The following COP1 variants were observed in gnomAD, a reference collection of about 807,000 sequenced individuals.
COP1 encodes the protein E3 ubiquitin-protein ligase COP1.
COP1 carries 24 observed loss-of-function variants against 101.3 expected under a neutral mutation model. The observed-to-expected ratio is 0.24, with a 90% CI of 0.17 to 0.33. The LOEUF (loss-of-function observed/expected upper bound fraction) is 0.33. Ranked by LOEUF, COP1 falls within the 10% of genes least tolerant of loss-of-function variation. The pLI is 1.00. For synonymous variants in COP1, 347 were observed against 341.9 expected (o/e 1.01, Z -0.17); for missense variants, 663 against 906.2 (o/e 0.73, Z 3.45).
chr1:176,016,740 A>T (rs7525112), intron 15 of COP1, among the ~76,000 whole-genome samples: 133,995 of 151,514 alleles, frequency 0.88, 60,952 homozygotes, highest in East Asian at 0.99. Flanking sequence ...CTCTTTTTTT[A>T]AAAAAAAAAA....
chr1:176,028,712 T>TATGGGGAAA (rs1212927311), intron 14 of COP1, among the ~76,000 whole-genome samples: 2 of 132,832 alleles, frequency 1.5e-5, no homozygotes, highest in East Asian at 4.6e-4. Context: ...TATATATATA[T>TATGGGGAAA]ATATATATAT....
At chr1:176,187,345 C>CAT (rs892288614) in intron 1 of COP1, among the ~76,000 whole-genome samples, 45 of 152,032 alleles carry the variant, frequency 3.0e-4, no homozygotes, top group African/African-American at 8.5e-4. Context: ...TATATACACA[C>CAT]ATATATATAC....
chr1:176,191,088 A>G (rs1699072298), intron 1 of COP1, among the ~76,000 whole-genome samples: 1 of 152,056 alleles, frequency 6.6e-6, no homozygotes, highest in African/African-American at 2.4e-5. Flanking sequence ...TTGTGATTTT[A>G]TAATTTATAA....
Position 176,207,091 on chromosome 1 carries a change from G to C in COP1, c.-113C>G. 1 of 854,444 alleles carries C rather than the reference G, an allele frequency of 1.2e-6. No homozygotes were observed. The highest frequency in any genetic ancestry group is 1.8e-5 in the African/African-American group (1 of 55,864). 52.9% of individuals were successfully genotyped at this position (854,444 alleles called of 1,614,324 possible). ...GCATCCTGAGGACGCCCGCCGAGCC[G>C]GAGGTGGGGCTGAGGAACAATAAAG... On this transcript the variant is annotated 5_prime_UTR_variant, in exon 1 of 20. Transcript: ENST00000367669.
intron 12 of COP1, among the ~76,000 whole-genome samples, chr1:176,045,937 A>T (rs1287669052): frequency 6.6e-6 from 1 of 151,774 alleles, no homozygotes; most frequent in Non-Finnish European, 1.5e-5. Context: ...TTATTTGATT[A>T]AGTGAAAGAA....
At chr1:175,951,266 A>ATAAC (rs1325125892) in intron 18 of COP1, among the ~76,000 whole-genome samples, 3 of 150,840 alleles carry the variant, frequency 2.0e-5, no homozygotes, top group Non-Finnish European at 4.4e-5. Flanking sequence ...AAATAAATAA[A>ATAAC]TAAATATATA....
intron 15 of COP1, among the ~76,000 whole-genome samples, chr1:176,010,147 C>G (rs1664381672): frequency 6.6e-6 from 1 of 152,080 alleles, no homozygotes; most frequent in Non-Finnish European, 1.5e-5. Flanking sequence ...ACCCACACCC[C>G]AAACACACAC....
At chr1:175,953,839 T>C (rs1238886534) in intron 18 of COP1, among the ~76,000 whole-genome samples, 3 of 149,650 alleles carry the variant, frequency 2.0e-5, no homozygotes, top group Non-Finnish European at 3.0e-5. Flanking sequence ...ATAGAATAAA[T>C]TGACTCATGT....
intron 11 of COP1, 96 bp downstream of exon 11, chr1:176,081,056 C>T: frequency 8.9e-7 from 1 of 1,118,186 alleles, no homozygotes; most frequent in Non-Finnish European, 1.3e-6. Context: ...TACTTCAGAA[C>T]CCACGCTTTT....
At chr1:176,092,520 T>C (rs1422608518) in intron 9 of COP1, among the ~76,000 whole-genome samples, 1 of 152,136 alleles carries the variant, frequency 6.6e-6, no homozygotes, top group Non-Finnish European at 1.5e-5. Context: ...TCTATTTCTC[T>C]AAGACCAACA....
chr1:176,180,980 G>A (rs1371663291), intron 2 of COP1, among the ~76,000 whole-genome samples: 1 of 152,088 alleles, frequency 6.6e-6, no homozygotes, highest in Admixed American at 6.5e-5. Flanking sequence ...AGTAAATCAG[G>A]GCTTGGTAGA....
chr1:176,078,467 A>G (rs1373246539), intron 11 of COP1, among the ~76,000 whole-genome samples: 1 of 152,126 alleles, frequency 6.6e-6, no homozygotes, highest in Non-Finnish European at 1.5e-5. Flanking sequence ...AAACTGGACC[A>G]CTACTTTTCA....
chr1:176,012,983 A>T (rs1032402212), intron 15 of COP1, among the ~76,000 whole-genome samples: 1 of 152,116 alleles, frequency 6.6e-6, no homozygotes, highest in African/African-American at 2.4e-5. Context: ...TCAAATCCCC[A>T]TGCCCTCCAT....
At chr1:176,039,149 T>C (rs1183197719) in intron 14 of COP1, among the ~76,000 whole-genome samples, 2 of 152,114 alleles carry the variant, frequency 1.3e-5, no homozygotes, top group African/African-American at 4.8e-5. Context: ...CACAGTGGAA[T>C]TAAACTAGAA....
intron 15 of COP1, among the ~76,000 whole-genome samples, chr1:176,005,397 T>C (rs1325256825): frequency 6.6e-6 from 1 of 152,158 alleles, no homozygotes; most frequent in African/African-American, 2.4e-5. Flanking sequence ...CTGCTAGCTT[T>C]TGAATGTGTT....
At chr1:176,206,267 A>C (rs929069050) in intron 1 of COP1, 4 of 383,552 alleles carry the variant, frequency 1.0e-5, no homozygotes, top group Non-Finnish European at 1.4e-5. Context: ...TTTGTTATCC[A>C]AAACCATTTA....
At chr1:176,036,820 G>A (rs1571839853) in intron 14 of COP1, among the ~76,000 whole-genome samples, 2 of 152,132 alleles carry the variant, frequency 1.3e-5, no homozygotes, top group South Asian at 2.1e-4. Context: ...GCTAAGCTAC[G>A]ATTAGAAGTA....
At chr1:176,139,806 T>TG (rs1391384265) in intron 6 of COP1, among the ~76,000 whole-genome samples, 1 of 151,834 alleles carries the variant, frequency 6.6e-6, no homozygotes, top group African/African-American at 2.4e-5. Context: ...ACTACTGGGG[T>TG]GGGGGAAGGA....
intron 15 of COP1, among the ~76,000 whole-genome samples, chr1:176,010,996 T>C (rs960327351): frequency 1.3e-5 from 2 of 152,188 alleles, no homozygotes; most frequent in Non-Finnish European, 2.9e-5. Flanking sequence ...TAATTTTTAA[T>C]TGTGAGGAAC....
Sources: allele counts gnomAD v4.1 joint callset (sites outside exome capture counted in the v4.1 genomes callset), GRCh38; gene constraint gnomAD v4.1.1; transcripts MANE v1.5; gene names NCBI Gene and HGNC (gene_info 2026-07-23, HGNC 2026-07-21).